The following GCSAML variants were observed in gnomAD, a reference collection of about 807,000 sequenced individuals.
The protein encoded by GCSAML is germinal center-associated signaling and motility-like protein.
Under a neutral mutation model 13.0 loss-of-function variants are expected in GCSAML, and 9 were observed. The ratio of observed to expected loss-of-function variants is 0.69; its 90% confidence interval spans 0.42 to 1.21. The LOEUF (loss-of-function observed/expected upper bound fraction) is 1.21. Ranked by LOEUF, GCSAML falls within the 50% of genes most tolerant of loss-of-function variation. The probability of loss-of-function intolerance (pLI) is 0.00; values close to 1 mark genes in which losing one functional copy is unlikely to be tolerated. For synonymous variants in GCSAML, 37 were observed against 52.9 expected, an observed-to-expected ratio of 0.70 and a Z score of 1.31; for missense variants, 143 against 153.4, an observed-to-expected ratio of 0.93 and a Z score of 0.36.
chr1:247,520,526 T>TCACACACA (rs10597982), intron 1 of GCSAML, among the ~76,000 whole-genome samples: 267 of 150,400 alleles, frequency 1.8e-3, no homozygotes, highest in African/African-American at 6.2e-3. Flanking sequence ...CCCCACCTCT[T>TCACACACA]CACACACACA....
chr1:247,513,066 G>C (rs1289116526), intron 1 of GCSAML, among the ~76,000 whole-genome samples: 3 of 152,180 alleles, frequency 2.0e-5, no homozygotes, highest in African/African-American at 7.2e-5. Context: ...GCTCTCTTTG[G>C]AGCTGGCAGG....
At position 247,574,497 on chromosome 1, in the gene GCSAML, A is replaced by G; in HGVS notation, c.*115A>G. On this transcript the variant is annotated 3_prime_UTR_variant, in exon 5 of 5. Transcript: ENST00000366488. ...AAACATTCCTTTCTGGCTAAAGTTT[A>G]GAAATATTATCTTATTATATATCCT... The G allele has an allele frequency of 8.5e-7, 1 of 1,172,612 alleles. No individual in the cohort carries two copies. 72.6% of individuals were successfully genotyped at this position (1,172,612 alleles called of 1,614,324 possible).
At chr1:247,574,043 A>G (rs1558264168) in intron 4 of GCSAML, 100 bp from the exon 5 acceptor site, 4 of 1,337,148 alleles carry the variant, frequency 3.0e-6, no homozygotes, top group South Asian at 2.7e-5. Context: ...TAAGTGTAAG[A>G]GCACCATCAG....
chr1:247,547,679 C>T (rs902747054), upstream of GCSAML, among the ~76,000 whole-genome samples: 5 of 152,188 alleles, frequency 3.3e-5, no homozygotes, highest in African/African-American at 7.2e-5. Context: ...TCAGAGATGC[C>T]GGTGTTTCTG....
At chr1:247,547,802 T>C (rs1667631106), upstream of GCSAML, among the ~76,000 whole-genome samples, 1 of 152,170 alleles carries the variant, frequency 6.6e-6, no homozygotes, top group South Asian at 2.1e-4. Context: ...GATCCCAGTT[T>C]GAAAGAGTCA....
intron 2 of GCSAML, among the ~76,000 whole-genome samples, chr1:247,537,281 G>A (rs1000963501): frequency 1.3e-5 from 2 of 152,112 alleles, no homozygotes; most frequent in Non-Finnish European, 2.9e-5. Flanking sequence ...GTTCATCTAT[G>A]TTGTAGCGTG....
rs375163393 is a variant in GCSAML at position 247,533,661 on chromosome 1, A to C, written c.-148+6607A>C. The C allele has an allele frequency of 2.0e-5, 3 of 152,326 alleles. No individual in the cohort carries two copies. The South Asian group carries it at 6.2e-4, about 32-fold the overall frequency. The allele number at this position is 152,326 out of a possible 1,614,324, so 9.4% of individuals were successfully genotyped here. A position where few individuals can be genotyped will look rare whatever the true frequency, so the allele number is the denominator to read the frequency against. On this transcript the variant is annotated intron_variant, in intron 2 of 5. Transcript: ENST00000366489. ...CCATCAGTATTAGATCATGCCCTTC[A>C]TGTTCAATCATATTTCTACATGGCT...
chr1:247,512,625 G>T (rs1222900656), intron 1 of GCSAML, among the ~76,000 whole-genome samples: 4 of 152,124 alleles, frequency 2.6e-5, no homozygotes, highest in East Asian at 1.9e-4. Flanking sequence ...TTTTGCACTG[G>T]TTTTTCCTCA....
intron 3 of GCSAML, among the ~76,000 whole-genome samples, chr1:247,565,154 T>C (rs1668291247): frequency 6.6e-6 from 1 of 152,120 alleles, no homozygotes; most frequent in Non-Finnish European, 1.5e-5. Flanking sequence ...GGTCAGGAGA[T>C]TGAGACCATC....
chr1:247,546,606 C>T (rs1380857208), upstream of GCSAML, among the ~76,000 whole-genome samples: 1 of 151,984 alleles, frequency 6.6e-6, no homozygotes, highest in East Asian at 1.9e-4. Flanking sequence ...CATGATCCAC[C>T]CGCCTCGGCC....
chr1:247,553,662 G>A (rs946345166), intron 1 of GCSAML, among the ~76,000 whole-genome samples: 7 of 152,114 alleles, frequency 4.6e-5, no homozygotes, highest in Non-Finnish European at 8.8e-5. Flanking sequence ...ATTCACAGAT[G>A]CAATCAGAGT....
chr1:247,550,666 T>C (rs1347087453), intron 1 of GCSAML, among the ~76,000 whole-genome samples: 1 of 151,804 alleles, frequency 6.6e-6, no homozygotes, highest in Non-Finnish European at 1.5e-5. Context: ...AAAAAATGCT[T>C]AAGGGTTCAT....
intron 1 of GCSAML, among the ~76,000 whole-genome samples, chr1:247,508,635 A>C (rs138483375): frequency 0.011 from 1,606 of 152,204 alleles, 16 homozygotes; most frequent in Non-Finnish European, 0.015. Flanking sequence ...TAAGGTTTTT[A>C]TGGTTTTAGG....
chr1:247,541,879 G>A (rs1169114235), intron 2 of GCSAML, among the ~76,000 whole-genome samples: 1 of 151,894 alleles, frequency 6.6e-6, no homozygotes, highest in African/African-American at 2.4e-5. Flanking sequence ...GCATGGTGGT[G>A]CGTGCCTGTA....
intron 1 of GCSAML, among the ~76,000 whole-genome samples, chr1:247,552,875 C>A (rs924743311): frequency 2.0e-5 from 3 of 152,258 alleles, no homozygotes; most frequent in East Asian, 1.9e-4. Context: ...TCTGCCTCAG[C>A]CTACCGAGTA....
intron 4 of GCSAML, among the ~76,000 whole-genome samples, chr1:247,567,402 C>T (rs1019207622): frequency 2.6e-5 from 4 of 152,020 alleles, no homozygotes; most frequent in African/African-American, 9.7e-5. Flanking sequence ...TGTTCAACTT[C>T]CACTTATGAG....
intron 2 of GCSAML, among the ~76,000 whole-genome samples, chr1:247,537,110 C>T (rs372118329): frequency 6.6e-6 from 1 of 152,168 alleles, no homozygotes; most frequent in Non-Finnish European, 1.5e-5. Flanking sequence ...CTGTAGCCAT[C>T]GAGCAGTCAG....
At chr1:247,523,854 T>C (rs1004090983) in intron 1 of GCSAML, among the ~76,000 whole-genome samples, 2 of 152,196 alleles carry the variant, frequency 1.3e-5, no homozygotes, top group Non-Finnish European at 2.9e-5. Flanking sequence ...ATTAATAGAA[T>C]TGATATTCCT....
chr1:247,535,827 C>T (rs1398645158), intron 2 of GCSAML, among the ~76,000 whole-genome samples: 3 of 152,160 alleles, frequency 2.0e-5, no homozygotes, highest in Non-Finnish European at 2.9e-5. Flanking sequence ...TTTGCTTACC[C>T]GCAGAGATTC....
Sources: gnomAD v4.1 joint callset for allele counts (sites outside exome capture counted in the v4.1 genomes callset) on GRCh38, gnomAD v4.1.1 for gene constraint, MANE v1.5 for transcripts, NCBI Gene and HGNC (gene_info 2026-07-23, HGNC 2026-07-21) for gene names.